THAP9: variants seen among roughly 807,000 people sequenced by gnomAD.
THAP9 encodes DNA transposase THAP9.
A neutral mutation model predicts 35.7 loss-of-function variants in THAP9; 20 were observed. That is an observed-to-expected ratio of 0.56 (90% confidence interval 0.39 to 0.81). THAP9 has a LOEUF of 0.81. THAP9 is among the 40% of genes least tolerant of loss of function. THAP9 has a pLI of 0.00. For synonymous variants in THAP9, 335 were observed against 373.7 expected, an observed-to-expected ratio of 0.90 and a Z score of 1.19; for missense variants, 870 against 1,047.4, an observed-to-expected ratio of 0.83 and a Z score of 2.34.
intron 4 of THAP9, among the ~76,000 whole-genome samples, chr4:82,912,978 A>G (rs1720915638): frequency 6.6e-6 from 1 of 152,230 alleles, no homozygotes; most frequent in Admixed American, 6.5e-5. Context: ...TACAATTTTG[A>G]AAATTATATC....
chr4:82,919,128 T>G lies in THAP9; in HGVS notation c.*204T>G. The G allele has an allele frequency of 2.2e-6, 1 of 448,758 alleles. No individual in the cohort carries two copies. The allele number at this position is 448,758 out of a possible 1,614,324, so 27.8% of individuals were successfully genotyped here. On this transcript the variant is annotated 3_prime_UTR_variant, in exon 5 of 5. Transcript: ENST00000302236. ...CAGCATTTATGAGTTTTCCAAAATATAGAAAGCAGTAGGTCAGTAGGAGCA... is the reference window on the plus strand; with the variant it reads ...CAGCATTTATGAGTTTTCCAAAATAGAGAAAGCAGTAGGTCAGTAGGAGCA...
Position 82,918,443 on chromosome 4 carries a change from T to A in THAP9, c.2231T>A (p.Leu744His). The change falls in exon 5 of 5, where the codon CTC becomes CAC. Residue 744 changes from leucine (L) to histidine (H), a missense_variant. Around this residue, in one of 3 missense-constraint regions of THAP9, gnomAD observed 414 missense variants for 500.8 expected, o/e 0.83. Coordinates refer to ENST00000302236, the MANE Select transcript of THAP9 (RefSeq NM_024672.6). ...ATCACTGCACTGTATGCATCGGATC[T>A]CAAAGCCTCTAAAATTGGGTCACTA... is the stretch of plus-strand genomic sequence containing the variant. ...DCITALYASD[L>H]KASKIGSLLF... 1 of 1,614,178 alleles carries A rather than the reference T, an allele frequency of 6.2e-7. No individual in the cohort carries two copies. The highest frequency in any genetic ancestry group is 8.5e-7 in the Non-Finnish European group (1 of 1,180,002).
At position 82,918,067 on chromosome 4, in the gene THAP9, C is replaced by A; in HGVS notation, c.1855C>A (p.Leu619Ile). 1 of 1,614,040 alleles carries A rather than the reference C, an allele frequency of 6.2e-7. No individual in the cohort carries two copies. Among genetic ancestry groups the A allele is most frequent in the Non-Finnish European group, 8.5e-7 (1 of 1,179,992 alleles). Residue 619 changes from leucine (L) to isoleucine (I), a missense_variant, in exon 5 of 5, where the codon CTT (leucine) becomes ATT (isoleucine). By Grantham distance (5) the Leu-to-Ile change is conservative (BLOSUM62 2). This residue lies in a region of THAP9 where 414 missense variants were observed against 500.8 expected (regional missense o/e 0.83). Coordinates refer to ENST00000302236, the MANE Select transcript of THAP9 (RefSeq NM_024672.6). ...HDHLELFLKM[L>I]RQVLVTSSSP... is the part of the protein sequence containing the mutation. ...TCATCTGGAATTATTTCTAAAGATG[C>A]TTAGGCAGGTATTAGTAACAAGTTC...
chr4:82,916,891 C>A (rs986964457), intron 4 of THAP9, 53 bp from the exon 5 acceptor site: 3 of 1,444,212 alleles, frequency 2.1e-6, no homozygotes, highest in Non-Finnish European at 1.8e-6. Flanking sequence ...GGCATTTTCC[C>A]ATTTGTCTTT....
At chr4:82,905,472 T>G (rs1280149832) in intron 2 of THAP9, among the ~76,000 whole-genome samples, 2 of 152,186 alleles carry the variant, frequency 1.3e-5, no homozygotes, top group Non-Finnish European at 2.9e-5. Flanking sequence ...GGCTTTCACT[T>G]TCTGCACAGT....
chr4:82,916,256 A>G (rs1473725046), intron 4 of THAP9, among the ~76,000 whole-genome samples: 1 of 152,206 alleles, frequency 6.6e-6, no homozygotes, highest in Non-Finnish European at 1.5e-5. Flanking sequence ...AACTAGAAGG[A>G]AGAAGAATTC....
chr4:82,908,072 C>T (rs1385417667), intron 4 of THAP9, 137 bp downstream of exon 4: 2 of 842,610 alleles, frequency 2.4e-6, no homozygotes, highest in South Asian at 2.1e-5. Flanking sequence ...TATTAGTACT[C>T]ATACTCCCAT....
chr4:82,913,069 CTTTT>C (rs905022098), intron 4 of THAP9, among the ~76,000 whole-genome samples: 1 of 151,756 alleles, frequency 6.6e-6, no homozygotes, highest in African/African-American at 2.4e-5. Flanking sequence ...AAGAATGTGT[CTTTT>C]TTTATGATCA....
chr4:82,914,377 G>A (rs373675939), intron 4 of THAP9, among the ~76,000 whole-genome samples: 32 of 152,130 alleles, frequency 2.1e-4, no homozygotes, highest in East Asian at 1.2e-3. Context: ...ATCATAGTTC[G>A]CTTTTAGCCC....
intron 4 of THAP9, among the ~76,000 whole-genome samples, chr4:82,909,423 T>C (rs529330677): frequency 5.7e-5 from 2 of 35,218 alleles, no homozygotes; most frequent in Non-Finnish European, 9.4e-5. Context: ...ATTTCCTTCC[T>C]GTGTGTGTGT....
rs762024612 is a variant in THAP9 at position 82,918,428 on chromosome 4, T to C, written c.2216T>C (p.Leu739Pro). Residue 739 changes from leucine to proline, a missense_variant, in exon 5 of 5, where the codon CTG (leucine) becomes CCG (proline). Physicochemically the swap from Leu to Pro is moderately conservative, Grantham distance 98. This residue lies in a region of THAP9 where 414 missense variants were observed against 500.8 expected (regional missense o/e 0.83). Coordinates refer to ENST00000302236, the MANE Select transcript of THAP9 (RefSeq NM_024672.6). Reference protein sequence around the residue: ...LLTCEDCITALYASDLKASKI... With the variant: ...LLTCEDCITAPYASDLKASKI... ...ACTTGTGAGGACTGCATCACTGCAC[T>C]GTATGCATCGGATCTCAAAGCCTCT... 6.2e-7 allele frequency: 1 copy of C among 1,614,220 alleles called. No homozygotes were observed. The highest frequency in any genetic ancestry group is 2.2e-5 in the East Asian group (1 of 44,888).
At chr4:82,901,305 G>C (rs1019981986) in intron 1 of THAP9, 2 of 398,372 alleles carry the variant, frequency 5.0e-6, no homozygotes, top group Admixed American at 5.5e-5. Flanking sequence ...GCTGTTAGCC[G>C]AGCTGTGCAA....
In THAP9 at chr4:82,917,159, C is replaced by G; in HGVS notation, c.947C>G (p.Pro316Arg). 1 of 1,613,458 alleles carries G rather than the reference C, an allele frequency of 6.2e-7. No individual in the cohort carries two copies. ...GLGKLDADET[P>R]LASETVLLMA... Reference sequence around the variant, plus strand: ...GGAAAACTTGATGCTGATGAAACGCCACTTGCTTCAGAAACTGTTTTGTTA... The same window carrying G: ...GGAAAACTTGATGCTGATGAAACGCGACTTGCTTCAGAAACTGTTTTGTTA... The change falls in exon 5 of 5, where the codon CCA (proline) becomes CGA (arginine). Residue 316 changes from proline (P) to arginine (R), a missense_variant. Physicochemically the swap from Pro to Arg is moderately radical, Grantham distance 103 (BLOSUM62 -2). Transcript: ENST00000302236.
chr4:82,912,758 A>T (rs6826437), intron 4 of THAP9, among the ~76,000 whole-genome samples: 149,247 of 152,352 alleles, frequency 0.98, 73,182 homozygotes, highest in East Asian at 1. Flanking sequence ...TATATGTGTA[A>T]GGGTGCACAT....
chr4:82,905,793 A>G, intron 2 of THAP9: 2 of 450,372 alleles, frequency 4.4e-6, no homozygotes, highest in Non-Finnish European at 8.9e-6. Context: ...GCATTGTACT[A>G]GGAGATTTAC....
intron 1 of THAP9, among the ~76,000 whole-genome samples, chr4:82,902,263 C>CT (rs756304657): frequency 3.4e-3 from 462 of 137,408 alleles, no homozygotes; most frequent in African/African-American, 7.2e-3. Flanking sequence ...ACCATCCCGG[C>CT]TTTTTTTTTT....
chr4:82,905,531 T>C (rs1720611743), intron 2 of THAP9, among the ~76,000 whole-genome samples: 1 of 4,128 alleles, frequency 2.4e-4, no homozygotes, highest in Non-Finnish European at 5.7e-4. Context: ...CTTACTTTCC[T>C]CTTAATCGTC....
chr4:82,905,969 C>CT (rs1720630576), intron 2 of THAP9: 3 of 456,676 alleles, frequency 6.6e-6, no homozygotes, highest in Non-Finnish European at 1.3e-5. Flanking sequence ...ACTATGCCTT[C>CT]TTTTTTGCAC....
chr4:82,917,653 C>G lies in THAP9; in HGVS notation c.1441C>G (p.Leu481Val), dbSNP rs774120395. 1 of 1,613,402 alleles carries G rather than the reference C, an allele frequency of 6.2e-7. No homozygotes were observed. The highest frequency in any genetic ancestry group is 8.5e-7 in the Non-Finnish European group (1 of 1,179,678). The change falls in exon 5 of 5, where the codon CTC becomes GTC. Residue 481 changes from leucine (L) to valine (V), a missense_variant. Transcript: ENST00000302236. Reference sequence around the variant, plus strand: ...ACTGAAAGTGAATAGTGCCACCCAACTCTTTAGTGAGAGTGTAGCCAGTGC... The same window carrying G: ...ACTGAAAGTGAATAGTGCCACCCAAGTCTTTAGTGAGAGTGTAGCCAGTGC... ...HVLKVNSATQ[L>V]FSESVASALE...
Sources: allele counts gnomAD v4.1 joint callset (sites outside exome capture counted in the v4.1 genomes callset), GRCh38; gene constraint gnomAD v4.1.1; regional missense constraint gnomAD v4.1.1; transcripts MANE v1.5; gene names NCBI Gene and HGNC (gene_info 2026-07-23, HGNC 2026-07-21).